Variants in LRP5 observed in about 807,000 individuals in gnomAD.
The protein encoded by LRP5 is low-density lipoprotein receptor-related protein 5.
A neutral mutation model predicts 154.1 loss-of-function variants in LRP5; 62 were observed. The observed-to-expected ratio is 0.40, with a 90% CI of 0.33 to 0.50. The LOEUF is 0.50. LRP5 is among the 20% of genes least tolerant of loss of function. The probability of loss-of-function intolerance (pLI) is 0.55; values close to 1 mark genes in which losing one functional copy is unlikely to be tolerated. For synonymous variants in LRP5, 966 were observed against 1,011.5 expected, an observed-to-expected ratio of 0.96 and a Z score of 0.85; for missense variants, 1,915 against 2,336.7, an observed-to-expected ratio of 0.82 and a Z score of 3.72.
intron 5 of LRP5, among the ~76,000 whole-genome samples, chr11:68,378,287 G>T (rs1197999445): frequency 6.6e-6 from 1 of 152,188 alleles, no homozygotes; most frequent in Non-Finnish European, 1.5e-5. Flanking sequence ...TCTGGCAGGG[G>T]TGGCTCAGGC....
intron 13 of LRP5, among the ~76,000 whole-genome samples, chr11:68,418,148 T>C (rs2472415): frequency 0.7 from 106,062 of 151,836 alleles, 38,389 homozygotes; most frequent in South Asian, 0.84. Flanking sequence ...CAGAGCCCGC[T>C]TGTATCCTAG....
chr11:68,301,048 G>C, the LRP5 span, among the ~76,000 whole-genome samples: 19 of 147,910 alleles, frequency 1.3e-4, 1 homozygote, highest in Non-Finnish European at 2.6e-4. Flanking sequence ...TCCTGCCTCA[G>C]CCTCCCTAGT....
intron 1 of LRP5, among the ~76,000 whole-genome samples, chr11:68,331,884 C>T (rs1424177885): frequency 2.0e-5 from 3 of 152,014 alleles, no homozygotes; most frequent in Non-Finnish European, 4.4e-5. Flanking sequence ...TTCCAGGTTG[C>T]ATTGAGAGCC....
At chr11:68,334,924 CT>C (rs1467482350) in intron 1 of LRP5, among the ~76,000 whole-genome samples, 1 of 151,986 alleles carries the variant, frequency 6.6e-6, no homozygotes, top group East Asian at 1.9e-4. Flanking sequence ...ACAGTTGGTT[CT>C]TGTTATTCTT....
At chr11:68,329,371 G>A (rs1249399173) in intron 1 of LRP5, among the ~76,000 whole-genome samples, 2 of 152,172 alleles carry the variant, frequency 1.3e-5, no homozygotes, top group African/African-American at 2.4e-5. Flanking sequence ...TTTTACAGAC[G>A]AAGAAACTGA....
chr11:68,406,432 G>C, intron 8 of LRP5, 92 bp from the exon 9 acceptor site: 1 of 1,359,908 alleles, frequency 7.4e-7, no homozygotes, highest in South Asian at 1.2e-5. Context: ...GAGCTGTGTG[G>C]CTCACGGCAG....
At chr11:68,301,467 C>G in the LRP5 span, among the ~76,000 whole-genome samples, 1 of 147,586 alleles carries the variant, frequency 6.8e-6, no homozygotes. Context: ...AGAGCAAGAC[C>G]CTGTCTCTAA....
intron 1 of LRP5, among the ~76,000 whole-genome samples, chr11:68,341,480 T>C (rs1591195624): frequency 2.0e-5 from 3 of 152,254 alleles, no homozygotes; most frequent in Admixed American, 6.5e-5. Context: ...GAGGTCAGGC[T>C]AGAGGTCAGC....
At chr11:68,446,853 T>C (rs1183019838) in intron 22 of LRP5, 4 of 398,578 alleles carry the variant, frequency 1.0e-5, no homozygotes, top group Non-Finnish European at 1.9e-5. Flanking sequence ...CTCCAGAGTC[T>C]GACTGTGTGT....
At chr11:68,387,235 C>T (rs1416104862) in intron 6 of LRP5, among the ~76,000 whole-genome samples, 1 of 152,088 alleles carries the variant, frequency 6.6e-6, no homozygotes, top group Non-Finnish European at 1.5e-5. Flanking sequence ...CTGCCTCAGC[C>T]TCCTGAGTAG....
At chr11:68,306,068 A>G in the LRP5 span, among the ~76,000 whole-genome samples, 1 of 152,100 alleles carries the variant, frequency 6.6e-6, no homozygotes, top group African/African-American at 2.4e-5. Context: ...GCATGGCTCC[A>G]ACCTCTGCCT....
At chr11:68,390,079 C>G (rs377116591) in intron 7 of LRP5, 27 bp downstream of exon 7, 52 of 1,612,022 alleles carry the variant, frequency 3.2e-5, no homozygotes, top group Non-Finnish European at 4.3e-5. Flanking sequence ...CATGTTTGAT[C>G]CAGGAGGCCA....
chr11:68,378,868 C>T (rs1305392452), intron 5 of LRP5, among the ~76,000 whole-genome samples: 6 of 151,712 alleles, frequency 4.0e-5, no homozygotes, highest in African/African-American at 9.7e-5. Flanking sequence ...GCCAACATGG[C>T]GAAACTCCAT....
In LRP5 at chr11:68,448,882, G is replaced by A. The variant is rs770169409; in HGVS notation, c.4660G>A (p.Ala1554Thr). 4 of 1,612,272 alleles carry A rather than the reference G, an allele frequency of 2.5e-6. No homozygotes were observed. Among genetic ancestry groups the A allele is most frequent in the Non-Finnish European group, 3.4e-6 (4 of 1,179,944 alleles). The change falls in exon 23 of 23, where the codon GCC becomes ACC. Residue 1554 changes from alanine to threonine, a missense_variant. Ala to Thr is a moderately conservative substitution (Grantham distance 58, BLOSUM62 0). This residue lies in a region of LRP5 where 1,094 missense variants were observed against 1,210.1 expected (regional missense o/e 0.90). Coordinates refer to ENST00000294304, the MANE Select transcript of LRP5 (RefSeq NM_002335.4). ...STDVCDSDYS[A>T]SRWKASKYYL... ...CGACGTGTGTGACAGCGACTACAGC[G>A]CCAGCCGCTGGAAGGCCAGCAAGTA...
intron 1 of LRP5, among the ~76,000 whole-genome samples, chr11:68,341,059 C>CTTTTTTTTTTTTTTTTTTTTTTTTTTT (rs576462333): frequency 1.6e-4 from 13 of 83,480 alleles, no homozygotes; most frequent in African/African-American, 3.8e-4. Context: ...GGAGATTGTT[C>CTTTTTTTTTTTTTTTTTTTTTTTTTTT]TTTTTTTTTT....
chr11:68,442,171 C>T (rs1396771747), intron 21 of LRP5, among the ~76,000 whole-genome samples: 2 of 152,244 alleles, frequency 1.3e-5, no homozygotes, highest in African/African-American at 4.8e-5. Context: ...CCCATTTATC[C>T]TCTGCCTGGT....
intron 7 of LRP5, 33 bp from the exon 8 acceptor site, chr11:68,403,450 C>G: frequency 6.3e-7 from 1 of 1,598,436 alleles, no homozygotes; most frequent in Non-Finnish European, 8.6e-7. Context: ...GTGGCCCTGG[C>G]CCATCCAGAC....
At chr11:68,309,966 A>G (rs1350531244), upstream of LRP5, among the ~76,000 whole-genome samples, 5 of 152,208 alleles carry the variant, frequency 3.3e-5, no homozygotes, top group East Asian at 7.7e-4. Flanking sequence ...TCCAACACAC[A>G]TTTACTGAGC....
At chr11:68,302,319 C>T in the LRP5 span, among the ~76,000 whole-genome samples, 1 of 147,360 alleles carries the variant, frequency 6.8e-6, no homozygotes, top group East Asian at 2.0e-4. Context: ...GTACTCCAGC[C>T]CTGATGACAG....
Sources: allele counts gnomAD v4.1 joint callset (sites outside exome capture counted in the v4.1 genomes callset), GRCh38; gene constraint gnomAD v4.1.1; regional missense constraint gnomAD v4.1.1; transcripts MANE v1.5; gene names NCBI Gene and HGNC (gene_info 2026-07-23, HGNC 2026-07-21).